Variants in SNED1 observed in about 807,000 individuals in gnomAD.
SNED1 encodes sushi, nidogen and EGF like domains 1, also known as sushi, nidogen and EGF-like domain-containing protein 1.
In SNED1, 81 loss-of-function variants were observed where a neutral mutation model predicts 166.7. That is an observed-to-expected ratio of 0.49 (90% CI 0.41 to 0.58). The LOEUF is 0.58. Among genes scored for constraint, SNED1 ranks in the 20% least tolerant of loss-of-function variants. The pLI, the probability that SNED1 is intolerant of heterozygous loss-of-function variation, is 0.00. For missense variants in SNED1, 1,604 were observed against 2,000.2 expected (o/e 0.80, Z 3.78); for synonymous variants, 762 against 822.0 (o/e 0.93, Z 1.25).
Position 241,034,698 on chromosome 2 carries a change from C to T in SNED1, c.773C>T (p.Ala258Val). 2 of 1,592,754 alleles carry T rather than the reference C, an allele frequency of 1.3e-6. No individual in the cohort carries two copies. The highest frequency in any genetic ancestry group is 2.3e-5 in the East Asian group (1 of 43,764). The change falls in exon 4 of 32, where the codon GCC (alanine) becomes GTC (valine). Residue 258 changes from alanine (A) to valine (V), a missense_variant. Ala to Val is a moderately conservative substitution (Grantham distance 64). This residue lies in a region of SNED1 where 1,237 missense variants were observed against 1,620.8 expected (regional missense o/e 0.76). Coordinates refer to ENST00000310397, the MANE Select transcript of SNED1 (RefSeq NM_001080437.3). ...PGRWAFRIDDAQVRVGGCGHT... is the reference protein window; with the variant it reads ...PGRWAFRIDDVQVRVGGCGHT... ...CGCTGGGCGTTCAGAATCGATGATGCCCAGGTGCGCGTGGGGGGCTGCGGC... is the reference window on the plus strand; with the variant it reads ...CGCTGGGCGTTCAGAATCGATGATGTCCAGGTGCGCGTGGGGGGCTGCGGC...
intron 8 of SNED1, among the ~76,000 whole-genome samples, chr2:241,044,250 G>A (rs1439129372): frequency 6.6e-6 from 1 of 152,122 alleles, no homozygotes; most frequent in Non-Finnish European, 1.5e-5. Context: ...ACAAATAAAA[G>A]GCAAAGATTG....
chr2:241,021,832 T>A (rs2124916512), intron 1 of SNED1, among the ~76,000 whole-genome samples: 1 of 152,338 alleles, frequency 6.6e-6, no homozygotes, highest in Admixed American at 6.5e-5. Context: ...CTTTGTTTAA[T>A]TATTTGAGGA....
In SNED1 at chr2:241,052,356, C is replaced by T. The variant is rs1447501608; in HGVS notation, c.1971C>T (p.Ala657=). Residue 657 remains alanine (A), a splice_region_variant and synonymous_variant, in exon 15 of 32, where the codon GCC becomes GCT. Transcript: ENST00000310397. ...PGFSGRHCEI[A]PSPCFRSPCV... ...CAGGACCTTCCTGCATTCTGGCAGC[C>T]CCCTCCCCCTGCTTCCGGAGCCCGT... 2.5e-6 allele frequency: 4 copies of T among 1,571,652 alleles called. No individual in the cohort carries two copies. Among genetic ancestry groups the T allele is most frequent in the Non-Finnish European group, 3.5e-6 (4 of 1,157,526 alleles).
chr2:241,004,995 A>C (rs1296609062), intron 1 of SNED1, among the ~76,000 whole-genome samples: 1 of 152,162 alleles, frequency 6.6e-6, no homozygotes, highest in Non-Finnish European at 1.5e-5. Context: ...TGCTGGGATT[A>C]CAGATGTAGG....
chr2:241,038,684 G>T (rs4675999), intron 6 of SNED1, among the ~76,000 whole-genome samples: 5,839 of 152,354 alleles, frequency 0.038, 679 homozygotes, highest in East Asian at 0.26. Flanking sequence ...ACGTGAGACG[G>T]GTGGGAGTCG....
chr2:241,007,736 G>A (rs979991986), intron 1 of SNED1, among the ~76,000 whole-genome samples: 1 of 152,072 alleles, frequency 6.6e-6, no homozygotes, highest in African/African-American at 2.4e-5. Flanking sequence ...GTTACGCCAC[G>A]AGCATTTACC....
chr2:241,055,767 G>A (rs2062023228), intron 16 of SNED1, among the ~76,000 whole-genome samples: 1 of 152,218 alleles, frequency 6.6e-6, no homozygotes, highest in Non-Finnish European at 1.5e-5. Context: ...AGAAGCCAGG[G>A]ACTGGTCTGT....
Position 241,051,438 on chromosome 2 carries a change from C to T in SNED1, c.1736-306C>T, listed in dbSNP as rs1463720061. 2 of 308,458 alleles carry T rather than the reference C, an allele frequency of 6.5e-6. No individual in the cohort carries two copies. The highest frequency in any genetic ancestry group is 5.1e-5 in the East Asian group (1 of 19,552). 19.1% of individuals were successfully genotyped at this position (308,458 alleles called of 1,614,324 possible). Reference sequence around the variant, plus strand: ...TGTGCAGGAGGGAGGGAGTGCTGCGCCCGCTGCAGTGTTGGGGCCGGTTCT... The same window carrying T: ...TGTGCAGGAGGGAGGGAGTGCTGCGTCCGCTGCAGTGTTGGGGCCGGTTCT... On this transcript the variant is annotated intron_variant, in intron 12 of 31. Transcript: ENST00000310397. The surrounding 1 kb of genome is among the most constrained non-coding windows in gnomAD (Gnocchi z 4.7).
chr2:241,084,141 T>A (rs945930516), intron 29 of SNED1, among the ~76,000 whole-genome samples: 2 of 150,428 alleles, frequency 1.3e-5, no homozygotes, highest in Non-Finnish European at 3.0e-5. Context: ...AGGATTTTTT[T>A]TTTTTTTTTT....
intron 27 of SNED1, among the ~76,000 whole-genome samples, chr2:241,079,809 G>C (rs558360966): frequency 6.6e-6 from 1 of 152,256 alleles, no homozygotes; most frequent in South Asian, 2.1e-4. Flanking sequence ...TATGGTCTAA[G>C]GATAAAAAGC....
chr2:241,056,923 G>A (rs1400570034), intron 16 of SNED1, among the ~76,000 whole-genome samples: 1 of 152,132 alleles, frequency 6.6e-6, no homozygotes, highest in East Asian at 1.9e-4. Flanking sequence ...AGATCTGTGG[G>A]ACAATATCAA....
chr2:241,033,277 C>T (rs1166725583), intron 2 of SNED1, among the ~76,000 whole-genome samples: 2 of 152,226 alleles, frequency 1.3e-5, no homozygotes, highest in African/African-American at 2.4e-5. Flanking sequence ...CTCATCTGTA[C>T]GCTGCCTGCC....
At chr2:241,063,311 C>T (rs1308785170) in intron 17 of SNED1, 7 of 519,788 alleles carry the variant, frequency 1.3e-5, no homozygotes, top group South Asian at 4.1e-5. Flanking sequence ...CCCAGGGAGC[C>T]GTGCCCAGTC....
intron 16 of SNED1, among the ~76,000 whole-genome samples, chr2:241,054,031 TC>T (rs1420250209): frequency 1.3e-5 from 2 of 152,130 alleles, no homozygotes; most frequent in African/African-American, 4.8e-5. Context: ...CCCATCCCTG[TC>T]CCCCACATGC....
chr2:241,046,897 C>T (rs528262879), intron 8 of SNED1, among the ~76,000 whole-genome samples: 1 of 152,294 alleles, frequency 6.6e-6, no homozygotes, highest in African/African-American at 2.4e-5. Context: ...GTAATCCCAG[C>T]ACTTTGGGAG....
rs2062630894 is a variant in SNED1 at position 241,070,028 on chromosome 2, A to G, written c.3416A>G (p.Asn1139Ser). The change falls in exon 24 of 32, where the codon AAT becomes AGT. Residue 1139 changes from asparagine (N) to serine (S), a missense_variant. Physicochemically the swap from Asn to Ser is conservative, Grantham distance 46. Around this residue, in one of 2 missense-constraint regions of SNED1, gnomAD observed 1,237 missense variants for 1,620.8 expected, o/e 0.76. Coordinates refer to ENST00000310397, the MANE Select transcript of SNED1 (RefSeq NM_001080437.3). ...AGCTTGCTGGAGGCTTATGTCATCA[A>G]TGTGACCACCAGCCAGAGCACCAAG... Reference protein sequence around the residue: ...PGSLLEAYVINVTTSQSTKSR... With the variant: ...PGSLLEAYVISVTTSQSTKSR... 6.2e-7 allele frequency: 1 copy of G among 1,612,852 alleles called. No individual in the cohort carries two copies. The highest frequency in any genetic ancestry group is 1.1e-5 in the South Asian group (1 of 91,090).
At chr2:241,066,802 T>C (rs1186647479) in intron 21 of SNED1, among the ~76,000 whole-genome samples, 1 of 152,090 alleles carries the variant, frequency 6.6e-6, no homozygotes, top group African/African-American at 2.4e-5. Context: ...GGGCCCTAGC[T>C]TGATGCCAAT....
intron 2 of SNED1, among the ~76,000 whole-genome samples, chr2:241,032,659 G>A (rs956094834): frequency 6.6e-6 from 1 of 152,124 alleles, no homozygotes; most frequent in Non-Finnish European, 1.5e-5. Flanking sequence ...AATAAAAAAA[G>A]TGCTGGTTTC....
At chr2:241,074,513 C>T (rs548066765) in intron 27 of SNED1, 11 of 152,232 alleles carry the variant, frequency 7.2e-5, no homozygotes, top group Admixed American at 3.3e-4. Flanking sequence ...TGTTCATTTC[C>T]TAGAACTCAG....
Sources: gnomAD v4.1 joint callset for allele counts (sites outside exome capture counted in the v4.1 genomes callset) on GRCh38, gnomAD v4.1.1 for gene constraint, gnomAD v4.1.1 regional missense constraint, Gnocchi (gnomAD v3.1) non-coding constraint, MANE v1.5 for transcripts, NCBI Gene and HGNC (gene_info 2026-07-23, HGNC 2026-07-21) for gene names.